The following MROH7 variants were observed in gnomAD, a reference collection of about 807,000 sequenced individuals.
MROH7 encodes the protein maestro heat like repeat family member 7, also known as maestro heat-like repeat-containing protein family member 7.
MROH7 carries 113 observed loss-of-function variants against 129.2 expected under a neutral mutation model. The observed-to-expected ratio is 0.87, with a 90% CI of 0.75 to 1.02. The LOEUF (loss-of-function observed/expected upper bound fraction) is 1.02, where lower values mean the gene tolerates loss of function less well. Ranked by LOEUF, MROH7 falls within the 50% of genes least tolerant of loss-of-function variation. MROH7 has a pLI of 0.00. For synonymous variants in MROH7, 655 were observed against 667.9 expected, an observed-to-expected ratio of 0.98 and a Z score of 0.30; for missense variants, 1,601 against 1,671.3, an observed-to-expected ratio of 0.96 and a Z score of 0.73.
At chr1:54,662,393 G>A (rs556313795) in intron 3 of MROH7, among the ~76,000 whole-genome samples, 89 of 152,044 alleles carry the variant, frequency 5.9e-4, no homozygotes, top group Admixed American at 8.5e-4. Context: ...AAAATTAGCC[G>A]GGCATGGTGG....
At chr1:54,694,186 A>G (rs1645284975) in intron 16 of MROH7, among the ~76,000 whole-genome samples, 1 of 152,168 alleles carries the variant, frequency 6.6e-6, no homozygotes, top group African/African-American at 2.4e-5. Flanking sequence ...TCGGTGAAAT[A>G]GCACTATTAT....
rs558283356 is a variant in MROH7, at chr1:54,673,796, G to T, written c.1791G>T (p.Leu597=). The change falls in exon 9 of 24, where the codon CTG becomes CTT. Residue 597 remains leucine (L), a synonymous_variant. Coordinates refer to ENST00000421030, the MANE Select transcript of MROH7 (RefSeq NM_001039464.4). The part of the protein sequence containing the change: ...VSVLNHMLLT[L]PFFMPLGFPA... ...TGTTGAACCACATGCTTCTAACTCT[G>T]CCTTTCTTTGTGAGTGGCCCCTGGG... 1 of 1,613,734 alleles carries T rather than the reference G, an allele frequency of 6.2e-7. No homozygotes were observed. Among genetic ancestry groups the T allele is most frequent in the Non-Finnish European group, 8.5e-7 (1 of 1,179,632 alleles).
chr1:54,653,409 C>T lies in MROH7; in HGVS notation c.483C>T (p.Phe161=). ...TCAAGTGCCTCTCAAGTAAGATTTT[C>T]AAGTTGGGTCAGAGAAACTCCAACC... is the stretch of plus-strand genomic sequence containing the variant. ...DAFKCLSSKI[F]KLGQRNSNPS... The change falls in exon 3 of 24, where the codon TTC becomes TTT. Residue 161 remains phenylalanine (F), a synonymous_variant. Transcript: ENST00000421030. 1.2e-6 allele frequency: 2 copies of T among 1,614,174 alleles called. No individual in the cohort carries two copies. Among genetic ancestry groups the T allele is most frequent in the Non-Finnish European group, 1.7e-6 (2 of 1,180,036 alleles).
chr1:54,708,028 A>T (rs1394625176), intron 22 of MROH7, among the ~76,000 whole-genome samples: 5 of 152,212 alleles, frequency 3.3e-5, no homozygotes, highest in Non-Finnish European at 5.9e-5. Flanking sequence ...AGAAACCAAG[A>T]GAAGGATCTA....
chr1:54,644,810 T>TC (rs957324835), intron 1 of MROH7, among the ~76,000 whole-genome samples: 1 of 151,330 alleles, frequency 6.6e-6, no homozygotes, highest in Non-Finnish European at 1.5e-5. Flanking sequence ...ACTTTTTTTT[T>TC]TTTTTTTTCT....
At position 54,673,186 on chromosome 1, in the gene MROH7, G is replaced by A. The variant is rs747334292; in HGVS notation, c.1695G>A (p.Glu565=). Reference sequence around the variant, plus strand: ...CTGCTGGGCTGAAGAGCATCTTGGAGGTGCGGAGATGGGAGGGGCAAGGAA... The same window carrying A: ...CTGCTGGGCTGAAGAGCATCTTGGAAGTGCGGAGATGGGAGGGGCAAGGAA... ...PTPAGLKSIL[E]ALGPWMNSGK... Residue 565 remains glutamate, a splice_region_variant and synonymous_variant, in exon 8 of 24, where the codon GAG becomes GAA. Transcript: ENST00000421030. The A allele has an allele frequency of 1.2e-6, 2 of 1,611,628 alleles. No homozygotes were observed. Among genetic ancestry groups the A allele is most frequent in the African/African-American group, 1.3e-5 (1 of 74,992 alleles).
At chr1:54,690,532 C>T (rs1645218310) in intron 15 of MROH7, among the ~76,000 whole-genome samples, 1 of 151,074 alleles carries the variant, frequency 6.6e-6, no homozygotes, top group Non-Finnish European at 1.5e-5. Flanking sequence ...CAAACTCCGC[C>T]TCCCGGGTTC....
intron 17 of MROH7, among the ~76,000 whole-genome samples, chr1:54,696,549 T>C (rs1196206596): frequency 6.6e-6 from 1 of 152,082 alleles, no homozygotes; most frequent in Non-Finnish European, 1.5e-5. Context: ...ATTCTAGGTA[T>C]CTTATGTAAG....
chr1:54,679,161 C>A, intron 11 of MROH7, 102 bp from the exon 12 acceptor site: 3 of 1,179,460 alleles, frequency 2.5e-6, no homozygotes, highest in Non-Finnish European at 3.8e-6. Context: ...CTGACCTCTG[C>A]ATGTGGGCGT....
chr1:54,670,588 C>A lies in MROH7; in HGVS notation c.1469+12C>A. On this transcript the variant is annotated intron_variant, in intron 6 of 23. Transcript: ENST00000421030. ...CTGACCCAGCTGAGGTGTCCATGGC[C>A]CTCTCCCTGTTCCCACAGCCCCTCT... is the stretch of plus-strand genomic sequence containing the variant. 6.2e-7 allele frequency: 1 copy of A among 1,607,988 alleles called. No individual in the cohort carries two copies. Among genetic ancestry groups the A allele is most frequent in the East Asian group, 2.2e-5 (1 of 44,552 alleles).
intron 17 of MROH7, chr1:54,697,638 C>A (rs1260848367): frequency 1.4e-6 from 1 of 702,260 alleles, no homozygotes. Context: ...AATGTTATTT[C>A]ACTAATCTGC....
In MROH7 at chr1:54,702,246, G is replaced by A; in HGVS notation, c.3441+1G>A. On this transcript the variant is annotated splice_donor_variant, in intron 20 of 23. Transcript: ENST00000421030. LOFTEE classifies it high-confidence loss of function. ...GGAGGGCAACTCCAAGGTAAGCCAG[G>A]TGAGTGTGCGTGGGCCCTGCACCCT... 3 of 1,520,136 alleles carry A rather than the reference G, an allele frequency of 2.0e-6. No homozygotes were observed. Among genetic ancestry groups the A allele is most frequent in the East Asian group, 2.5e-5 (1 of 40,570 alleles). 94.2% of individuals were successfully genotyped at this position (1,520,136 alleles called of 1,614,324 possible).
chr1:54,688,271 C>T (rs999715095), intron 15 of MROH7, among the ~76,000 whole-genome samples: 13 of 149,534 alleles, frequency 8.7e-5, no homozygotes, highest in Non-Finnish European at 1.8e-4. Context: ...GAAGTCTTGC[C>T]ATGTTGCCCA....
chr1:54,679,449 C>T lies in MROH7; in HGVS notation c.2226+10C>T. 6.2e-7 allele frequency: 1 copy of T among 1,610,228 alleles called. No individual in the cohort carries two copies. The highest frequency in any genetic ancestry group is 8.5e-7 in the Non-Finnish European group (1 of 1,177,642). Reference sequence around the variant, plus strand: ...CAGGGCGCTGGAGGTGGTAAGGCCTCCTGGGGGCAGGGAGTGAACTGTCAC... The same window carrying T: ...CAGGGCGCTGGAGGTGGTAAGGCCTTCTGGGGGCAGGGAGTGAACTGTCAC... On this transcript the variant is annotated intron_variant, in intron 12 of 23. Coordinates refer to ENST00000421030, the MANE Select transcript of MROH7 (RefSeq NM_001039464.4).
In MROH7 at chr1:54,682,782, C is replaced by T. The variant is rs375161664; in HGVS notation, c.2508C>T (p.Ile836=). Residue 836 remains isoleucine, a synonymous_variant, in exon 14 of 24, where the codon ATC becomes ATT. Transcript: ENST00000421030. ...TCACCAAGGAGGGCCGGGCTTCCAT[C>T]GTGCCCCTGGCGGTGAGCACCCAGT... ...KPVTKEGRAS[I]VPLAAASGLC... 1.3e-4 allele frequency: 204 copies of T among 1,612,132 alleles called. No homozygotes were observed. Among genetic ancestry groups the T allele is most frequent in the Middle Eastern group, 8.7e-4 (5 of 5,718 alleles).
At chr1:54,695,021 G>T (rs1032279394) in intron 16 of MROH7, among the ~76,000 whole-genome samples, 1 of 152,182 alleles carries the variant, frequency 6.6e-6, no homozygotes, top group Non-Finnish European at 1.5e-5. Flanking sequence ...CAATGTGAAA[G>T]CATGTGCCTG....
intron 1 of MROH7, among the ~76,000 whole-genome samples, chr1:54,647,147 T>C (rs1055678222): frequency 6.6e-6 from 1 of 152,208 alleles, no homozygotes; most frequent in African/African-American, 2.4e-5. Context: ...TGATGTCCAA[T>C]TTATCTATAT....
At chr1:54,643,424 G>A (rs1644417509) in intron 1 of MROH7, among the ~76,000 whole-genome samples, 2 of 152,204 alleles carry the variant, frequency 1.3e-5, no homozygotes, top group Admixed American at 6.5e-5. Context: ...CGTGGTGCAA[G>A]GCCAGGGAAG....
rs35197169 is a variant in MROH7 at position 54,641,835 on chromosome 1, T to TCC, written c.-241_-240dup. ...AGGGGTGGGGGCAGTCTCCACAGCC[T>TCC]CCCACAAGGGAGTTACCACCTTCCC... On this transcript the variant is annotated 5_prime_UTR_variant, in exon 1 of 24. Transcript: ENST00000421030. The TCC allele has an allele frequency of 2.0e-5, 3 of 152,034 alleles. No homozygotes were observed. The highest frequency in any genetic ancestry group is 4.8e-5 in the African/African-American group (2 of 41,380). 9.4% of individuals were successfully genotyped at this position (152,034 alleles called of 1,614,324 possible).
Sources: gnomAD v4.1 joint callset for allele counts (sites outside exome capture counted in the v4.1 genomes callset) on GRCh38, gnomAD v4.1.1 for gene constraint, MANE v1.5 for transcripts, NCBI Gene and HGNC (gene_info 2026-07-23, HGNC 2026-07-21) for gene names.